Variants in SLC35F1 observed in about 807,000 individuals in gnomAD.
The protein encoded by SLC35F1 is chromosome 6 open reading frame 169.
In SLC35F1, 14 loss-of-function variants were observed where a neutral mutation model predicts 48.7. The ratio of observed to expected loss-of-function variants is 0.29; its 90% confidence interval spans 0.19 to 0.45. SLC35F1 has a LOEUF of 0.45. SLC35F1 is among the 20% of genes least tolerant of loss of function. The pLI is 1.00. For synonymous variants in SLC35F1, 190 were observed against 202.2 expected (o/e 0.94, Z 0.51); for missense variants, 404 against 500.0 (o/e 0.81, Z 1.83).
chr6:118,294,781 T>G (rs534096875), intron 7 of SLC35F1, among the ~76,000 whole-genome samples: 1 of 152,158 alleles, frequency 6.6e-6, no homozygotes, highest in African/African-American at 2.4e-5. Flanking sequence ...AAAACTATTC[T>G]TGCATCAGGA....
At chr6:118,198,949 G>A (rs1012778923) in intron 2 of SLC35F1, among the ~76,000 whole-genome samples, 2 of 152,168 alleles carry the variant, frequency 1.3e-5, no homozygotes, top group Non-Finnish European at 2.9e-5. Context: ...ATGACTCACA[G>A]ACAGCAAGAA....
At chr6:118,084,201 T>A (rs1368338154) in intron 1 of SLC35F1, among the ~76,000 whole-genome samples, 1 of 152,208 alleles carries the variant, frequency 6.6e-6, no homozygotes, top group Admixed American at 6.5e-5. Flanking sequence ...TCCTTTCTTC[T>A]TCTCTTCCTA....
intron 2 of SLC35F1, among the ~76,000 whole-genome samples, chr6:118,234,709 G>C (rs1249773065): frequency 1.3e-5 from 2 of 152,158 alleles, no homozygotes; most frequent in African/African-American, 4.8e-5. Flanking sequence ...CATTCACTAA[G>C]TTTCTGTACA....
intron 1 of SLC35F1, among the ~76,000 whole-genome samples, chr6:118,020,007 G>A (rs1777373671): frequency 6.6e-6 from 1 of 152,162 alleles, no homozygotes; most frequent in African/African-American, 2.4e-5. Flanking sequence ...TTGGACAGTG[G>A]TGATACTCTT....
intron 1 of SLC35F1, among the ~76,000 whole-genome samples, chr6:118,048,461 A>C (rs1772333128): frequency 6.6e-6 from 1 of 152,070 alleles, no homozygotes; most frequent in African/African-American, 2.4e-5. Flanking sequence ...TATTTAGAAA[A>C]CCCCATTGTC....
chr6:118,002,459 G>T (rs1381493321), intron 1 of SLC35F1, among the ~76,000 whole-genome samples: 1 of 151,878 alleles, frequency 6.6e-6, no homozygotes, highest in East Asian at 1.9e-4. Context: ...TGTGGGGTAG[G>T]GGGAGGGGGA....
intron 1 of SLC35F1, among the ~76,000 whole-genome samples, chr6:118,092,931 G>T (rs1240115825): frequency 2.0e-5 from 3 of 152,156 alleles, no homozygotes; most frequent in African/African-American, 7.2e-5. Context: ...GACTTGCCTT[G>T]TCTCAGATAA....
In SLC35F1 at chr6:118,226,676, A is replaced by C. The variant is rs556318068; in HGVS notation, c.350-8833A>C. Reference sequence around the variant, plus strand: ...AAAAGTGGATCTCATGAAGATAGAGAGTAGACTCGTGGTTACCAGACGCTG... The same window carrying C: ...AAAAGTGGATCTCATGAAGATAGAGCGTAGACTCGTGGTTACCAGACGCTG... On this transcript the variant is annotated intron_variant, in intron 2 of 7. Coordinates refer to ENST00000360388, the MANE Select transcript of SLC35F1 (RefSeq NM_001029858.4). Among the ~76,000 whole-genome samples, 6 of 152,332 alleles carry C rather than the reference A, an allele frequency of 3.9e-5. No individual in the cohort carries two copies. In the East Asian group the frequency reaches 1.2e-3, roughly 29 times the overall value.
intron 4 of SLC35F1, among the ~76,000 whole-genome samples, chr6:118,273,439 A>G (rs1775883168): frequency 6.6e-6 from 1 of 152,220 alleles, no homozygotes; most frequent in African/African-American, 2.4e-5. Context: ...CACTAGTACA[A>G]CAATAATTGA....
intron 1 of SLC35F1, among the ~76,000 whole-genome samples, chr6:118,042,817 CA>C (rs1398088705): frequency 2.0e-5 from 3 of 152,046 alleles, no homozygotes; most frequent in Admixed American, 6.6e-5. Context: ...TATTGGTGAC[CA>C]ATTGAATGTG....
chr6:118,175,696 A>C (rs1774477518), intron 2 of SLC35F1, among the ~76,000 whole-genome samples: 3 of 152,070 alleles, frequency 2.0e-5, no homozygotes, highest in South Asian at 4.1e-4. Context: ...CTTCCAGCAA[A>C]TATGGCTGGC....
In SLC35F1 at chr6:118,157,601, G is replaced by T. The variant is rs1402663400; in HGVS notation, c.349+2981G>T. 2.0e-5 allele frequency among the ~76,000 whole-genome samples: 3 copies of T among 152,158 alleles called. No homozygotes were observed. In the South Asian group the frequency reaches 6.2e-4, roughly 32 times the overall value. On this transcript the variant is annotated intron_variant, in intron 2 of 7. Coordinates refer to ENST00000360388, the MANE Select transcript of SLC35F1 (RefSeq NM_001029858.4). ...TCAGTCTGTGGCCGAAGTCCCCAAA[G>T]CTCCTGGCAAATCACTGGTATAAGT...
intron 1 of SLC35F1, among the ~76,000 whole-genome samples, chr6:117,974,879 C>G (rs75313149): frequency 2.0e-5 from 3 of 152,162 alleles, no homozygotes; most frequent in Non-Finnish European, 2.9e-5. Context: ...TAATAGAAGA[C>G]AAGTGGACTC....
chr6:118,278,399 C>A lies in SLC35F1; in HGVS notation c.847+853C>A, dbSNP rs1289768569. Among the ~76,000 whole-genome samples the A allele has an allele frequency of 2.6e-5, 4 of 152,144 alleles. No individual in the cohort carries two copies. In the East Asian group the frequency reaches 7.7e-4, roughly 29 times the overall value. ...TATATGACCTTTGATACAACTTTAG[C>A]CAAATTCTGTGTCCATAAGGAAACA... On this transcript the variant is annotated intron_variant, in intron 6 of 7. Coordinates refer to ENST00000360388, the MANE Select transcript of SLC35F1 (RefSeq NM_001029858.4).
intron 1 of SLC35F1, among the ~76,000 whole-genome samples, chr6:118,007,578 T>A (rs904457275): frequency 6.6e-6 from 1 of 152,214 alleles, no homozygotes; most frequent in Non-Finnish European, 1.5e-5. Context: ...GTAAACTGGA[T>A]TTCACTTACC....
At chr6:117,923,846 ATG>A (rs778458646) in intron 1 of SLC35F1, among the ~76,000 whole-genome samples, 20 of 97,758 alleles carry the variant, frequency 2.0e-4, no homozygotes, top group South Asian at 5.0e-4. Context: ...CATTACATAT[ATG>A]CACATATATA....
chr6:118,265,951 G>A (rs1311714267), intron 3 of SLC35F1, among the ~76,000 whole-genome samples: 1 of 152,192 alleles, frequency 6.6e-6, no homozygotes, highest in South Asian at 2.1e-4. Flanking sequence ...ACCACAGTGT[G>A]GTAGAATCTG....
rs143324142 is a variant in SLC35F1 at position 118,156,602 on chromosome 6, G to A, written c.349+1982G>A. On this transcript the variant is annotated intron_variant, in intron 2 of 7. Coordinates refer to ENST00000360388, the MANE Select transcript of SLC35F1 (RefSeq NM_001029858.4). ...GACGAGTTGATGGCAAACCAACATGGCACATGTATACCTATGTATCAAACC... is the reference window on the plus strand; with the variant it reads ...GACGAGTTGATGGCAAACCAACATGACACATGTATACCTATGTATCAAACC... Among the ~76,000 whole-genome samples the A allele has an allele frequency of 6.9e-4, 105 of 151,816 alleles. No individual in the cohort carries two copies. The East Asian group carries it at 0.018, about 26-fold the overall frequency.
chr6:118,232,800 G>A (rs940971248), intron 2 of SLC35F1, among the ~76,000 whole-genome samples: 2 of 152,072 alleles, frequency 1.3e-5, no homozygotes, highest in Non-Finnish European at 2.9e-5. Context: ...CCACTCTGTG[G>A]TTGTATCTCT....
Sources: allele counts gnomAD v4.1 joint callset (sites outside exome capture counted in the v4.1 genomes callset), GRCh38; gene constraint gnomAD v4.1.1; transcripts MANE v1.5; gene names NCBI Gene and HGNC (gene_info 2026-07-23, HGNC 2026-07-21).